MN1: variants seen among roughly 807,000 people sequenced by gnomAD.
MN1 encodes MN1 proto-oncogene, transcriptional regulator.
A neutral mutation model predicts 86.9 loss-of-function variants in MN1; 19 were observed. That is an observed-to-expected ratio of 0.22 (90% CI 0.15 to 0.32). MN1 has a LOEUF of 0.32. MN1 is among the 10% of genes least tolerant of loss of function. The pLI, the probability that MN1 is intolerant of heterozygous loss-of-function variation, is 1.00. For missense variants in MN1, 1,841 were observed against 1,862.0 expected (o/e 0.99, Z 0.21); for synonymous variants, 928 against 849.6 (o/e 1.09, Z -1.60).
Position 27,800,443 on chromosome 22 carries a change from A to C in MN1, c.101T>G (p.Phe34Cys). The change falls in exon 1 of 2, where the codon TTT becomes TGT. Residue 34 changes from phenylalanine (F) to cysteine (C), a missense_variant. Physicochemically the swap from Phe to Cys is radical, Grantham distance 205. Coordinates refer to ENST00000302326, the MANE Select transcript of MN1 (RefSeq NM_002430.3). The part of the protein sequence containing the change: ...NETGLSMNTH[F>C]KAPAFHTGGP... ...CCCAGTGTGGAAAGCCGGGGCCTTA[A>C]AGTGGGTGTTCATGCTCAGTCCGGT... 1 of 1,614,206 alleles carries C rather than the reference A, an allele frequency of 6.2e-7. No homozygotes were observed. Among genetic ancestry groups the C allele is most frequent in the Non-Finnish European group, 8.5e-7 (1 of 1,180,032 alleles).
At chr22:27,794,059 A>G (rs1466588951) in intron 1 of MN1, among the ~76,000 whole-genome samples, 1 of 152,200 alleles carries the variant, frequency 6.6e-6, no homozygotes, top group Non-Finnish European at 1.5e-5. Context: ...ACCACTGCTC[A>G]AGGCTAATGG....
At chr22:27,792,894 C>T (rs45515502) in intron 1 of MN1, among the ~76,000 whole-genome samples, 1 of 152,222 alleles carries the variant, frequency 6.6e-6, no homozygotes, top group South Asian at 2.1e-4. Flanking sequence ...TACCTGCCCC[C>T]CCGCCCCAAG....
Position 27,798,347 on chromosome 22 carries a change from G to C in MN1, c.2197C>G (p.Pro733Ala), listed in dbSNP as rs1933347033. 6.6e-7 allele frequency: 1 copy of C among 1,507,860 alleles called. No homozygotes were observed. Among genetic ancestry groups the C allele is most frequent in the East Asian group, 2.6e-5 (1 of 38,714 alleles). The allele number at this position is 1,507,860 out of a possible 1,614,324, so 93.4% of individuals were successfully genotyped here. The change falls in exon 1 of 2, where the codon CCG becomes GCG. Residue 733 changes from proline (P) to alanine (A), a missense_variant. By Grantham distance (27) the Pro-to-Ala change is conservative. Transcript: ENST00000302326. ...SAASERRPPPPDFATSALGGQ... is the reference protein window; with the variant it reads ...SAASERRPPPADFATSALGGQ... ...CCGAGCGCAGACGTAGCAAAGTCCG[G>C]CGGCGGGGGCCGGCGCTCCGAAGCA...
At chr22:27,751,946 T>C (rs1326526511) in intron 1 of MN1, among the ~76,000 whole-genome samples, 1 of 152,104 alleles carries the variant, frequency 6.6e-6, no homozygotes, top group African/African-American at 2.4e-5. Flanking sequence ...GTGCAGGGGC[T>C]GAGGCTCCAT....
At chr22:27,789,759 A>C (rs1236643903) in intron 1 of MN1, among the ~76,000 whole-genome samples, 2 of 152,234 alleles carry the variant, frequency 1.3e-5, no homozygotes, top group Non-Finnish European at 2.9e-5. Flanking sequence ...TTTAAAGGGC[A>C]TTTGGGTCCC....
At position 27,797,241 on chromosome 22, in the gene MN1, G is replaced by A. The variant is rs1271436703; in HGVS notation, c.3303C>T (p.Pro1101=). ...TAGACATGATGCCCAGGCCGAGGGC[G>A]GGCGGGGGCGCCTTCGGTCCGTGTT... ...AGEHGPKAPP[P]ALGLGIMSNS... Residue 1101 remains proline (P), a synonymous_variant, in exon 1 of 2, where the codon CCC becomes CCT. Transcript: ENST00000302326. 3 of 1,571,742 alleles carry A rather than the reference G, an allele frequency of 1.9e-6. No individual in the cohort carries two copies. The highest frequency in any genetic ancestry group is 2.3e-5 in the East Asian group (1 of 43,352).
chr22:27,766,584 C>A (rs781549874), intron 1 of MN1, among the ~76,000 whole-genome samples: 4 of 152,188 alleles, frequency 2.6e-5, no homozygotes, highest in Non-Finnish European at 4.4e-5. Flanking sequence ...CAGATTTGGC[C>A]TATGTCTCTG....
rs1258694814 is a variant in MN1 at position 27,801,732 on chromosome 22, G to A, written c.-1189C>T. ...GCTCCCCTCTCTGTGTCTGCCTCTCGCCCAGCGCCGGGAGAAGCAGCAACA... is the reference window on the plus strand; with the variant it reads ...GCTCCCCTCTCTGTGTCTGCCTCTCACCCAGCGCCGGGAGAAGCAGCAACA... On this transcript the variant is annotated 5_prime_UTR_variant, in exon 1 of 2. Transcript: ENST00000302326. 6.6e-6 allele frequency among the ~76,000 whole-genome samples: 1 copy of A among 152,200 alleles called. No individual in the cohort carries two copies. The highest frequency in any genetic ancestry group is 1.5e-5 in the Non-Finnish European group (1 of 68,038).
chr22:27,753,131 A>G (rs1932780113), intron 1 of MN1, among the ~76,000 whole-genome samples: 1 of 152,224 alleles, frequency 6.6e-6, no homozygotes, highest in Admixed American at 6.5e-5. Context: ...CTGGGCAGAA[A>G]GGAGACTTCC....
In MN1 at chr22:27,799,501, G is replaced by T; in HGVS notation, c.1043C>A (p.Pro348His). The T allele has an allele frequency of 6.9e-7, 1 of 1,452,510 alleles. No homozygotes were observed. The allele number at this position is 1,452,510 out of a possible 1,614,324, so 90.0% of individuals were successfully genotyped here. Reference sequence around the variant, plus strand: ...CGGCTGCTGCGGGGGCTGCTGCTGAGGGGGTGGCGGGGCCTGCTGGGGAGG... The same window carrying T: ...CGGCTGCTGCGGGGGCTGCTGCTGATGGGGTGGCGGGGCCTGCTGGGGAGG... ...MQPPQQAPPP[P>H]QQQPPQQPPQ... Residue 348 changes from proline to histidine, a missense_variant, in exon 1 of 2, where the codon CCT becomes CAT. Physicochemically the swap from Pro to His is moderately conservative, Grantham distance 77. Coordinates refer to ENST00000302326, the MANE Select transcript of MN1 (RefSeq NM_002430.3).
chr22:27,786,946 T>G (rs45503994), intron 1 of MN1, among the ~76,000 whole-genome samples: 9 of 152,130 alleles, frequency 5.9e-5, no homozygotes, highest in African/African-American at 2.2e-4. Context: ...AATAGTGAAA[T>G]GTACAAGTAA....
Position 27,801,309 on chromosome 22 carries a change from C to T in MN1, c.-766G>A, listed in dbSNP as rs1241996220. ...AGCCGAGGGTCGGGGAAAGGCGCGG[C>T]TCCTCTGCTCGGCAGCGGGTGCGCT... On this transcript the variant is annotated 5_prime_UTR_variant, in exon 1 of 2. Coordinates refer to ENST00000302326, the MANE Select transcript of MN1 (RefSeq NM_002430.3). 5.3e-6 allele frequency: 1 copy of T among 190,150 alleles called. No individual in the cohort carries two copies. The highest frequency in any genetic ancestry group is 3.6e-5 in the African/African-American group (1 of 27,652). 11.8% of individuals were successfully genotyped at this position (190,150 alleles called of 1,614,324 possible).
At chr22:27,793,806 C>G (rs570590692) in intron 1 of MN1, among the ~76,000 whole-genome samples, 9 of 152,350 alleles carry the variant, frequency 5.9e-5, no homozygotes, top group African/African-American at 2.2e-4. Context: ...TTGTACAGTT[C>G]TGAAGACTTA....
intron 1 of MN1, among the ~76,000 whole-genome samples, chr22:27,775,813 T>TTAAG (rs1372400632): frequency 6.6e-6 from 1 of 151,998 alleles, no homozygotes. Context: ...CCCCAAAGGG[T>TTAAG]TAAGCTCAGC....
At chr22:27,780,526 AATC>A (rs552836429) in intron 1 of MN1, among the ~76,000 whole-genome samples, 66 of 152,296 alleles carry the variant, frequency 4.3e-4, no homozygotes, top group Middle Eastern at 6.8e-3. Context: ...ACACCACGGG[AATC>A]AGCAGATGCT....
chr22:27,787,700 A>T (rs896661865), intron 1 of MN1, among the ~76,000 whole-genome samples: 1 of 152,180 alleles, frequency 6.6e-6, no homozygotes, highest in Admixed American at 6.5e-5. Context: ...CAGGATCACC[A>T]GGGGAAAGGT....
chr22:27,780,278 G>A (rs530064879), intron 1 of MN1, among the ~76,000 whole-genome samples: 5 of 152,086 alleles, frequency 3.3e-5, no homozygotes, highest in Non-Finnish European at 7.4e-5. Context: ...CCGAGCAGTC[G>A]GGCCCCTGCC....
Position 27,797,041 on chromosome 22 carries a change from C to G in MN1, c.3503G>C (p.Ser1168Thr), listed in dbSNP as rs769585924. ...AQIQLQRQQF[S>T]ISEDQPLGLK... ...CCCCAGAGGCTGGTCCTCGGAGATG[C>G]TGAACTGCTGCCTCTGTAGCTGGAT... The change falls in exon 1 of 2, where the codon AGC becomes ACC. Residue 1168 changes from serine to threonine, a missense_variant. By Grantham distance (58) the Ser-to-Thr change is moderately conservative. Coordinates refer to ENST00000302326, the MANE Select transcript of MN1 (RefSeq NM_002430.3). 6.2e-7 allele frequency: 1 copy of G among 1,612,518 alleles called. No homozygotes were observed. Among genetic ancestry groups the G allele is most frequent in the Non-Finnish European group, 8.5e-7 (1 of 1,179,792 alleles).
At chr22:27,773,945 C>A (rs185208188) in intron 1 of MN1, among the ~76,000 whole-genome samples, 1 of 152,276 alleles carries the variant, frequency 6.6e-6, no homozygotes, top group East Asian at 1.9e-4. Flanking sequence ...TGAGCCACCG[C>A]GCCCGGCCTT....
Sources: gnomAD v4.1 joint callset for allele counts (sites outside exome capture counted in the v4.1 genomes callset) on GRCh38, gnomAD v4.1.1 for gene constraint, MANE v1.5 for transcripts, NCBI Gene and HGNC (gene_info 2026-07-23, HGNC 2026-07-21) for gene names.